Variants in CHN2 observed in about 807,000 individuals in gnomAD.
The protein encoded by CHN2 is chimerin 2, also known as beta-chimaerin.
CHN2 carries 35 observed loss-of-function variants against 56.3 expected under a neutral mutation model. The observed-to-expected ratio is 0.62, with a 90% confidence interval of 0.47 to 0.82. CHN2 has a LOEUF of 0.82. CHN2 is among the 40% of genes least tolerant of loss of function. The pLI is 0.00. For missense variants in CHN2, 491 were observed against 580.5 expected (o/e 0.85, Z 1.58); for synonymous variants, 210 against 212.8 (o/e 0.99, Z 0.12).
chr7:29,460,249 C>T (rs994904522), intron 6 of CHN2, among the ~76,000 whole-genome samples: 1 of 152,180 alleles, frequency 6.6e-6, no homozygotes, highest in Non-Finnish European at 1.5e-5. Flanking sequence ...ATGCCCCACC[C>T]GCCCTCAAAT....
At chr7:29,418,793 C>T (rs1804035402) in intron 6 of CHN2, among the ~76,000 whole-genome samples, 1 of 152,100 alleles carries the variant, frequency 6.6e-6, no homozygotes, top group Admixed American at 6.5e-5. Flanking sequence ...TGCTTTTTTC[C>T]TTGGCGTGCC....
intron 1 of CHN2, among the ~76,000 whole-genome samples, chr7:29,287,130 G>A (rs1208004371): frequency 1.3e-5 from 2 of 152,136 alleles, no homozygotes; most frequent in Non-Finnish European, 2.9e-5. Flanking sequence ...TGGCCAATCA[G>A]AACCTTATAT....
intron 1 of CHN2, among the ~76,000 whole-genome samples, chr7:29,314,614 A>C (rs10256491): frequency 0.034 from 5,136 of 152,280 alleles, 283 homozygotes; most frequent in African/African-American, 0.11. Context: ...ATCACCACCA[A>C]CAAAAATATT....
intron 6 of CHN2, among the ~76,000 whole-genome samples, chr7:29,420,979 T>G (rs1331214766): frequency 2.6e-5 from 4 of 152,124 alleles, no homozygotes; most frequent in Non-Finnish European, 5.9e-5. Flanking sequence ...TTTGGTATTT[T>G]TGGTAGAGAC....
At chr7:29,437,906 T>A (rs1430763462) in intron 6 of CHN2, among the ~76,000 whole-genome samples, 2 of 152,046 alleles carry the variant, frequency 1.3e-5, no homozygotes, top group Non-Finnish European at 2.9e-5. Context: ...GGTGTCAAGG[T>A]CAGTAAGAAT....
intron 6 of CHN2, among the ~76,000 whole-genome samples, chr7:29,441,642 A>G (rs1426068261): frequency 6.6e-6 from 1 of 152,258 alleles, no homozygotes; most frequent in Non-Finnish European, 1.5e-5. Flanking sequence ...TATTTTTCCA[A>G]AGAAAATACA....
At chr7:29,499,079 C>T (rs1044447161) in intron 8 of CHN2, among the ~76,000 whole-genome samples, 2 of 152,110 alleles carry the variant, frequency 1.3e-5, no homozygotes, top group African/African-American at 4.8e-5. Flanking sequence ...TTTTTATCAT[C>T]AGAGAAATTC....
intron 1 of CHN2, among the ~76,000 whole-genome samples, chr7:29,244,114 C>T (rs1432080482): frequency 6.6e-6 from 1 of 152,144 alleles, no homozygotes; most frequent in Non-Finnish European, 1.5e-5. Context: ...TTTTCTCTCC[C>T]CACACCCACT....
intron 4 of CHN2, chr7:29,396,843 A>C (rs1801796293): frequency 6.6e-6 from 1 of 152,554 alleles, no homozygotes; most frequent in African/African-American, 2.4e-5. Context: ...GCTCCTCCGC[A>C]AAGTTCCTAG....
At chr7:29,385,807 G>A (rs1158599414) in intron 3 of CHN2, among the ~76,000 whole-genome samples, 1 of 152,100 alleles carries the variant, frequency 6.6e-6, no homozygotes, top group East Asian at 1.9e-4. Context: ...AAAATTTTGG[G>A]GGCAGAAGTG....
At chr7:29,173,267 T>A (rs1313481390) in intron 2 of CHN2, among the ~76,000 whole-genome samples, 1 of 152,044 alleles carries the variant, frequency 6.6e-6, no homozygotes, top group East Asian at 1.9e-4. Context: ...AAAAAAGCCC[T>A]GTAGCTGGCA....
chr7:29,347,912 G>GCAT (rs1797586456), intron 1 of CHN2, among the ~76,000 whole-genome samples: 1 of 152,154 alleles, frequency 6.6e-6, no homozygotes, highest in Non-Finnish European at 1.5e-5. Context: ...CAGTATGTAT[G>GCAT]GTATGAAACC....
chr7:29,325,296 C>G (rs1387913277), intron 1 of CHN2, among the ~76,000 whole-genome samples: 2 of 152,176 alleles, frequency 1.3e-5, no homozygotes, highest in African/African-American at 4.8e-5. Flanking sequence ...ACAGTTTGCC[C>G]AGATGTGAGA....
intron 1 of CHN2, among the ~76,000 whole-genome samples, chr7:29,334,934 A>T (rs752255019): frequency 7.2e-5 from 11 of 152,194 alleles, no homozygotes; most frequent in Non-Finnish European, 1.2e-4. Flanking sequence ...TAGTGTTTGC[A>T]TTGTTTCTAA....
chr7:29,358,920 C>T (rs1190444526), intron 2 of CHN2, among the ~76,000 whole-genome samples: 3 of 152,188 alleles, frequency 2.0e-5, no homozygotes, highest in African/African-American at 7.2e-5. Context: ...TACCAAAATC[C>T]AGTGTATATT....
chr7:29,429,869 G>A (rs187391704), intron 6 of CHN2, among the ~76,000 whole-genome samples: 76 of 152,238 alleles, frequency 5.0e-4, no homozygotes, highest in African/African-American at 1.8e-3. Flanking sequence ...GGAACCTTGC[G>A]TAATTAGCGT....
chr7:29,365,757 A>G (rs1799107380), intron 2 of CHN2, among the ~76,000 whole-genome samples: 1 of 152,218 alleles, frequency 6.6e-6, no homozygotes. Context: ...CATTTAGGGC[A>G]TTTGATCTTC....
At chr7:29,155,092 C>T (rs2128699062) in intron 2 of CHN2, among the ~76,000 whole-genome samples, 1 of 152,164 alleles carries the variant, frequency 6.6e-6, no homozygotes, top group East Asian at 1.9e-4. Context: ...ACAGGACCTG[C>T]CCCCATGATT....
chr7:29,322,486 T>C (rs1329707374), intron 1 of CHN2, among the ~76,000 whole-genome samples: 2 of 152,184 alleles, frequency 1.3e-5, no homozygotes, highest in Non-Finnish European at 2.9e-5. Flanking sequence ...CCTCCTCCTC[T>C]TCCTACTCCT....
Sources: allele counts gnomAD v4.1 joint callset (sites outside exome capture counted in the v4.1 genomes callset), GRCh38; gene constraint gnomAD v4.1.1; transcripts MANE v1.5; gene names NCBI Gene and HGNC (gene_info 2026-07-23, HGNC 2026-07-21).